Variants in SHISA9 observed in about 807,000 individuals in gnomAD.
SHISA9 encodes protein shisa-9.
In SHISA9, 13 loss-of-function variants were observed where a neutral mutation model predicts 38.0. That is an observed-to-expected ratio of 0.34 (90% CI 0.22 to 0.54). SHISA9 has a LOEUF of 0.54. Ranked by LOEUF, SHISA9 falls within the 20% of genes least tolerant of loss-of-function variation. The pLI is 0.91. For missense variants in SHISA9, 538 were observed against 575.8 expected, an observed-to-expected ratio of 0.93 and a Z score of 0.67; for synonymous variants, 275 against 242.0, an observed-to-expected ratio of 1.14 and a Z score of -1.27.
chr16:13,157,987 C>G (rs932393369), intron 2 of SHISA9, among the ~76,000 whole-genome samples: 11 of 152,148 alleles, frequency 7.2e-5, no homozygotes, highest in African/African-American at 2.7e-4. Flanking sequence ...CTCAGTTAGT[C>G]TGAAACAAGT....
At chr16:12,911,453 G>A (rs985010745) in intron 1 of SHISA9, 20 of 879,636 alleles carry the variant, frequency 2.3e-5, no homozygotes, top group Admixed American at 6.2e-5. Context: ...ATGAACCCAC[G>A]AACAATGATT....
chr16:13,322,160 G>A, the SHISA9 span, among the ~76,000 whole-genome samples: 2 of 152,150 alleles, frequency 1.3e-5, no homozygotes, highest in Non-Finnish European at 2.9e-5. Context: ...AAATGGCCTC[G>A]AAGGAGCTGA....
chr16:13,415,165 T>G, the SHISA9 span, among the ~76,000 whole-genome samples: 1 of 152,164 alleles, frequency 6.6e-6, no homozygotes, highest in Non-Finnish European at 1.5e-5. Context: ...AGGCTGAACT[T>G]AAATATGTAA....
At chr16:13,372,708 C>T in the SHISA9 span, among the ~76,000 whole-genome samples, 1 of 152,140 alleles carries the variant, frequency 6.6e-6, no homozygotes, top group Non-Finnish European at 1.5e-5. Context: ...TTTTGATGTG[C>T]AAAGCTCTAT....
At chr16:13,300,562 TGAA>T in the SHISA9 span, among the ~76,000 whole-genome samples, 2 of 152,174 alleles carry the variant, frequency 1.3e-5, no homozygotes, top group African/African-American at 4.8e-5. Context: ...GGGCGATTAT[TGAA>T]GAACTGAGCT....
At chr16:13,466,536 G>A in the SHISA9 span, among the ~76,000 whole-genome samples, 1 of 152,152 alleles carries the variant, frequency 6.6e-6, no homozygotes, top group Non-Finnish European at 1.5e-5. Flanking sequence ...CTTATTGAGG[G>A]CAAAGGAAAT....
the SHISA9 span, among the ~76,000 whole-genome samples, chr16:13,347,795 C>G: frequency 2.0e-5 from 3 of 151,486 alleles, no homozygotes; most frequent in African/African-American, 4.9e-5. Flanking sequence ...TTGCCCAGAG[C>G]TCCTCAATTT....
chr16:13,141,123 GA>G (rs201861421), intron 2 of SHISA9, among the ~76,000 whole-genome samples: 16 of 151,116 alleles, frequency 1.1e-4, no homozygotes, highest in African/African-American at 3.1e-4. Context: ...ATTAAAGCAA[GA>G]AAAAAAAATC....
the SHISA9 span, among the ~76,000 whole-genome samples, chr16:13,454,980 T>TA: frequency 1.5e-4 from 22 of 151,686 alleles, no homozygotes; most frequent in South Asian, 1.3e-3. Flanking sequence ...CCAATCTCAC[T>TA]ATTGCAATCA....
the SHISA9 span, among the ~76,000 whole-genome samples, chr16:13,558,568 G>T: frequency 3.3e-5 from 5 of 152,134 alleles, no homozygotes; most frequent in African/African-American, 1.2e-4. Flanking sequence ...AACATATACT[G>T]ATTCACTAAC....
At chr16:12,991,984 C>T (rs980278665) in intron 2 of SHISA9, among the ~76,000 whole-genome samples, 1 of 152,030 alleles carries the variant, frequency 6.6e-6, no homozygotes, top group Non-Finnish European at 1.5e-5. Context: ...TGTAACTTGC[C>T]TCAGTGTCTA....
chr16:13,199,662 C>G (rs1316425027), intron 2 of SHISA9, among the ~76,000 whole-genome samples: 6 of 152,152 alleles, frequency 3.9e-5, no homozygotes, highest in African/African-American at 1.4e-4. Context: ...ACTTCATGGC[C>G]TTTTCGTTGT....
At chr16:13,370,862 A>AAAT in the SHISA9 span, among the ~76,000 whole-genome samples, 3 of 152,172 alleles carry the variant, frequency 2.0e-5, no homozygotes, top group African/African-American at 4.8e-5. Context: ...CAAGTAATAG[A>AAAT]AATAATAATA....
the SHISA9 span, among the ~76,000 whole-genome samples, chr16:13,368,661 G>A: frequency 9.7e-4 from 147 of 151,168 alleles, 1 homozygote; most frequent in South Asian, 0.03. Flanking sequence ...ATCTTGGAGG[G>A]TAGAAAAAAA....
At chr16:13,433,596 G>A in the SHISA9 span, among the ~76,000 whole-genome samples, 112,012 of 152,068 alleles carry the variant, frequency 0.74, 41,453 homozygotes, top group Admixed American at 0.82. Context: ...ATCTCAACCT[G>A]CCTCTAAGAT....
intron 4 of SHISA9, among the ~76,000 whole-genome samples, chr16:13,228,269 A>G (rs753191364): frequency 2.8e-4 from 43 of 152,240 alleles, no homozygotes; most frequent in Non-Finnish European, 5.3e-4. Context: ...TCACCAAGCA[A>G]CCAGCTCAGA....
intron 2 of SHISA9, among the ~76,000 whole-genome samples, chr16:13,012,762 C>T (rs761790952): frequency 6.6e-6 from 1 of 152,192 alleles, no homozygotes; most frequent in Non-Finnish European, 1.5e-5. Context: ...TTGATACTTA[C>T]ACCACTTGCC....
At chr16:13,295,424 C>A in the SHISA9 span, among the ~76,000 whole-genome samples, 1 of 152,146 alleles carries the variant, frequency 6.6e-6, no homozygotes, top group Non-Finnish European at 1.5e-5. Flanking sequence ...CTTCAAAAAT[C>A]AATTCTCAAA....
chr16:13,423,520 C>A, the SHISA9 span, among the ~76,000 whole-genome samples: 1 of 152,150 alleles, frequency 6.6e-6, no homozygotes, highest in Admixed American at 6.5e-5. Context: ...AGTTCTTTGG[C>A]TTTCGGGGAC....
Sources: gnomAD v4.1 joint callset for allele counts (sites outside exome capture counted in the v4.1 genomes callset) on GRCh38, gnomAD v4.1.1 for gene constraint, MANE v1.5 for transcripts, NCBI Gene and HGNC (gene_info 2026-07-23, HGNC 2026-07-21) for gene names.